The following SLC4A10 variants were observed in gnomAD, a reference collection of about 807,000 sequenced individuals.
The protein encoded by SLC4A10 is solute carrier family 4 member 10.
SLC4A10 carries 42 observed loss-of-function variants against 137.7 expected under a neutral mutation model. That is an observed-to-expected ratio of 0.30 (90% CI 0.24 to 0.39). The LOEUF (loss-of-function observed/expected upper bound fraction) is 0.39, where lower values mean the gene tolerates loss of function less well. Among genes scored for constraint, SLC4A10 ranks in the 10% least tolerant of loss-of-function variants. SLC4A10 has a pLI of 1.00. For synonymous variants in SLC4A10, 474 were observed against 464.1 expected, an observed-to-expected ratio of 1.02 and a Z score of -0.27; for missense variants, 925 against 1,355.0, an observed-to-expected ratio of 0.68 and a Z score of 4.98.
intron 1 of SLC4A10, among the ~76,000 whole-genome samples, chr2:161,726,509 G>T (rs2046237582): frequency 6.6e-6 from 1 of 152,172 alleles, no homozygotes; most frequent in South Asian, 2.1e-4. Context: ...AAAATGTTAA[G>T]TGTCTTGGCC....
chr2:161,957,091 A>G lies in SLC4A10; in HGVS notation c.2644A>G (p.Ile882Val). 1 of 1,613,404 alleles carries G rather than the reference A, an allele frequency of 6.2e-7. No homozygotes were observed. Residue 882 changes from isoleucine to valine, a missense_variant, in exon 20 of 27, where the codon ATC (isoleucine) becomes GTC (valine). Ile to Val is a conservative substitution (Grantham distance 29). This residue lies in a region of SLC4A10 where 115 missense variants were observed against 237.5 expected (regional missense o/e 0.48). Transcript: ENST00000446997. Reference sequence around the variant, plus strand: ...GTTTGTGGCTGCCACAGTCCTCTCCATCACTCATGTCAATAGCCTAAAACT... The same window carrying G: ...GTTTGTGGCTGCCACAGTCCTCTCCGTCACTCATGTCAATAGCCTAAAACT... ...PWFVAATVLS[I>V]THVNSLKLES... is the part of the protein sequence containing the mutation.
chr2:161,673,593 A>G (rs1336244860), intron 1 of SLC4A10, among the ~76,000 whole-genome samples: 2 of 152,212 alleles, frequency 1.3e-5, no homozygotes, highest in African/African-American at 4.8e-5. Flanking sequence ...TCTCTGTTTC[A>G]TTAAAATGCC....
At chr2:161,916,635 C>A (rs988977014) in intron 15 of SLC4A10, among the ~76,000 whole-genome samples, 1 of 152,214 alleles carries the variant, frequency 6.6e-6, no homozygotes, top group Non-Finnish European at 1.5e-5. Flanking sequence ...TCTTCTCTCT[C>A]CTCCTGCTAC....
chr2:161,769,593 G>T (rs2051315810), intron 1 of SLC4A10, among the ~76,000 whole-genome samples: 1 of 151,820 alleles, frequency 6.6e-6, no homozygotes, highest in Admixed American at 6.6e-5. Flanking sequence ...CCCTCAGAAG[G>T]TTACCAATGA....
At chr2:161,766,438 ATCT>A (rs1430168984) in intron 1 of SLC4A10, among the ~76,000 whole-genome samples, 4 of 152,236 alleles carry the variant, frequency 2.6e-5, no homozygotes, top group East Asian at 3.9e-4. Context: ...AGGGGAAAAC[ATCT>A]TCTGGCCTTT....
chr2:161,816,139 G>T (rs183291856), intron 3 of SLC4A10, among the ~76,000 whole-genome samples: 120 of 152,264 alleles, frequency 7.9e-4, no homozygotes, highest in Admixed American at 2.2e-3. Context: ...TTTGGGTTTT[G>T]ATATTCTGCA....
Position 161,904,106 on chromosome 2 carries a change from T to C in SLC4A10, c.1545T>C (p.Phe515=). The C allele has an allele frequency of 6.2e-7, 1 of 1,609,326 alleles. No individual in the cohort carries two copies. Among genetic ancestry groups the C allele is most frequent in the Non-Finnish European group, 8.5e-7 (1 of 1,177,632 alleles). Residue 515 remains phenylalanine (F), a synonymous_variant, in exon 13 of 27, where the codon TTT becomes TTC. Transcript: ENST00000446997. ...TGCAGTGCTTAGCATCTTTTCTATT[T>C]CTCTACTGCGCGTGTATGTCTCCTG... ...FSLQCLASFL[F]LYCACMSPVI... is the part of the protein sequence containing the mutation.
chr2:161,868,426 T>C (rs886919915), intron 6 of SLC4A10, among the ~76,000 whole-genome samples: 1 of 151,864 alleles, frequency 6.6e-6, no homozygotes, highest in South Asian at 2.1e-4. Context: ...TTCTAGTTAG[T>C]ATTTACTCAA....
At chr2:161,770,686 T>C (rs1474838554) in intron 1 of SLC4A10, among the ~76,000 whole-genome samples, 3 of 151,920 alleles carry the variant, frequency 2.0e-5, no homozygotes, top group Non-Finnish European at 4.4e-5. Flanking sequence ...ATTGATAGAA[T>C]AACTATTTTT....
intron 1 of SLC4A10, among the ~76,000 whole-genome samples, chr2:161,648,331 G>A (rs1220055666): frequency 1.3e-5 from 2 of 151,850 alleles, no homozygotes; most frequent in South Asian, 2.1e-4. Context: ...CCCTTCATTC[G>A]AATATTTATT....
In SLC4A10 at chr2:161,935,115, T is replaced by A. The variant is rs543801272; in HGVS notation, c.1998-7677T>A. On this transcript the variant is annotated intron_variant, in intron 15 of 26. Coordinates refer to ENST00000446997, the MANE Select transcript of SLC4A10 (RefSeq NM_001178015.2). ...ATTCTTCCACATGTGGATATTCAGT[T>A]GTCCCAACACCATTTGTTGAAGAGA... Among the ~76,000 whole-genome samples, 123 of 152,206 alleles carry A rather than the reference T, an allele frequency of 8.1e-4. 1 individual carries two copies. Among genetic ancestry groups the A allele is most frequent in the Non-Finnish European group, 8.5e-4 (58 of 68,022 alleles).
intron 23 of SLC4A10, among the ~76,000 whole-genome samples, chr2:161,965,544 C>T (rs1697433948): frequency 6.6e-6 from 1 of 151,868 alleles, no homozygotes; most frequent in African/African-American, 2.4e-5. Context: ...TATGTGAGAA[C>T]AAAAAGAAGA....
chr2:161,846,032 T>C (rs983461385), intron 4 of SLC4A10, among the ~76,000 whole-genome samples: 6 of 152,044 alleles, frequency 3.9e-5, no homozygotes, highest in African/African-American at 1.4e-4. Flanking sequence ...GTTAAGTGGA[T>C]GAAAAGGCAA....
At chr2:161,926,086 A>G (rs1575671206) in intron 15 of SLC4A10, among the ~76,000 whole-genome samples, 1 of 152,140 alleles carries the variant, frequency 6.6e-6, no homozygotes, top group East Asian at 1.9e-4. Context: ...TGCAGAGCTG[A>G]GTTCAATTCC....
intron 4 of SLC4A10, among the ~76,000 whole-genome samples, chr2:161,850,205 A>C (rs186603165): frequency 3.9e-5 from 6 of 151,974 alleles, no homozygotes. Flanking sequence ...GCTTGGCCAA[A>C]ATGGCAAAAC....
At chr2:161,650,592 C>A (rs1332814601) in intron 1 of SLC4A10, among the ~76,000 whole-genome samples, 1 of 152,192 alleles carries the variant, frequency 6.6e-6, no homozygotes, top group East Asian at 1.9e-4. Flanking sequence ...CCTGGGAAGA[C>A]CCCCTGCCCC....
chr2:161,694,676 T>G (rs1235269255), intron 1 of SLC4A10, among the ~76,000 whole-genome samples: 1 of 152,026 alleles, frequency 6.6e-6, no homozygotes, highest in Non-Finnish European at 1.5e-5. Flanking sequence ...TGATTTACGT[T>G]CTTTGAAGAG....
At chr2:161,903,013 G>A (rs1160521242) in intron 12 of SLC4A10, among the ~76,000 whole-genome samples, 1 of 151,962 alleles carries the variant, frequency 6.6e-6, no homozygotes, top group Non-Finnish European at 1.5e-5. Context: ...ATTCATTTTT[G>A]CTATCACATC....
chr2:161,698,688 G>A (rs903761769), intron 1 of SLC4A10, among the ~76,000 whole-genome samples: 1 of 152,166 alleles, frequency 6.6e-6, no homozygotes, highest in Non-Finnish European at 1.5e-5. Context: ...GCTTTCTGAT[G>A]TGCTGCTGGA....
Sources: gnomAD v4.1 joint callset for allele counts (sites outside exome capture counted in the v4.1 genomes callset) on GRCh38, gnomAD v4.1.1 for gene constraint, gnomAD v4.1.1 regional missense constraint, MANE v1.5 for transcripts, NCBI Gene and HGNC (gene_info 2026-07-23, HGNC 2026-07-21) for gene names.